The following DNAH12 variants were observed in gnomAD, a reference collection of about 807,000 sequenced individuals.
The protein encoded by DNAH12 is dynein axonemal heavy chain 12, also known as axonemal beta dynein heavy chain 12.
A neutral mutation model predicts 371.5 loss-of-function variants in DNAH12; 285 were observed. That is an observed-to-expected ratio of 0.77 (90% confidence interval 0.70 to 0.85). The LOEUF (loss-of-function observed/expected upper bound fraction) is 0.85. Ranked by LOEUF, DNAH12 falls within the 40% of genes least tolerant of loss-of-function variation. The pLI, the probability that DNAH12 is intolerant of heterozygous loss-of-function variation, is 0.00. For synonymous variants in DNAH12, 1,200 were observed against 1,213.0 expected (o/e 0.99, Z 0.22); for missense variants, 3,611 against 3,689.4 (o/e 0.98, Z 0.55).
chr3:57,402,515 C>T (rs1007294392), intron 43 of DNAH12: 9 of 1,066,986 alleles, frequency 8.4e-6, no homozygotes, highest in Non-Finnish European at 1.2e-5. Flanking sequence ...TGCTAGAAAC[C>T]ATTTATTTAT....
intron 11 of DNAH12, among the ~76,000 whole-genome samples, chr3:57,490,428 T>C (rs1439771410): frequency 1.3e-5 from 2 of 152,236 alleles, no homozygotes; most frequent in Non-Finnish European, 2.9e-5. Context: ...GCCCAAACAC[T>C]GGGGTAATTT....
chr3:57,461,187 T>C (rs528187272), intron 19 of DNAH12, among the ~76,000 whole-genome samples: 100 of 152,288 alleles, frequency 6.6e-4, no homozygotes, highest in African/African-American at 2.3e-3. Flanking sequence ...GTCTAGGTTT[T>C]CTAAAGTTAG....
chr3:57,405,230 GTTATAAAGTAA>G, intron 41 of DNAH12, 83 bp from the exon 42 acceptor site: 1 of 1,232,810 alleles, frequency 8.1e-7, no homozygotes, highest in Non-Finnish European at 1.1e-6. Flanking sequence ...TTTCATCCAT[GTTATAAAGTAA>G]TTAAGTTTTT....
intron 38 of DNAH12, among the ~76,000 whole-genome samples, chr3:57,414,974 T>G (rs749432828): frequency 2.0e-5 from 3 of 152,140 alleles, no homozygotes; most frequent in Non-Finnish European, 4.4e-5. Flanking sequence ...AAGGGTAGGA[T>G]GCACTCACAT....
chr3:57,311,107 G>A (rs866093434), intron 66 of DNAH12, among the ~76,000 whole-genome samples, 157 bp from the exon 67 acceptor site: 3 of 151,972 alleles, frequency 2.0e-5, no homozygotes, highest in South Asian at 2.1e-4. Flanking sequence ...GGACAGTCTC[G>A]CTCTGTCGCC....
intron 1 of DNAH12, among the ~76,000 whole-genome samples, chr3:57,543,775 G>T (rs779651395): frequency 6.6e-6 from 1 of 151,490 alleles, no homozygotes; most frequent in Non-Finnish European, 1.5e-5. Context: ...GGCCAGGCGC[G>T]GTGGCTCACG....
chr3:57,305,937 C>A (rs1242836400), intron 69 of DNAH12, among the ~76,000 whole-genome samples: 2 of 152,204 alleles, frequency 1.3e-5, no homozygotes, highest in African/African-American at 4.8e-5. Context: ...AGAACCTCCT[C>A]CCCCAGGAGC....
At chr3:57,538,049 A>C (rs938315650) in intron 2 of DNAH12, among the ~76,000 whole-genome samples, 5 of 152,220 alleles carry the variant, frequency 3.3e-5, no homozygotes, top group African/African-American at 1.2e-4. Flanking sequence ...AATAAACCAA[A>C]TATACTTAAA....
intron 60 of DNAH12, among the ~76,000 whole-genome samples, chr3:57,338,212 G>C (rs545616704): frequency 6.3e-4 from 96 of 152,294 alleles, no homozygotes; most frequent in African/African-American, 2.2e-3. Context: ...GGGTTTTGCT[G>C]TGTTGGCCGG....
chr3:57,307,396 A>G (rs111393264), intron 69 of DNAH12, among the ~76,000 whole-genome samples: 4,566 of 152,052 alleles, frequency 0.03, 101 homozygotes, highest in Non-Finnish European at 0.05. Context: ...AACCCTTTTC[A>G]TTACCCACAG....
chr3:57,510,671 C>A, intron 5 of DNAH12, 119 bp downstream of exon 5: 2 of 874,328 alleles, frequency 2.3e-6, no homozygotes, highest in South Asian at 1.7e-5. Context: ...AGAAAAAAAC[C>A]AGATATAGTT....
At chr3:57,502,263 C>A in intron 10 of DNAH12, 60 bp downstream of exon 10, 2 of 1,593,848 alleles carry the variant, frequency 1.3e-6, no homozygotes, top group Non-Finnish European at 1.7e-6. Flanking sequence ...AACATCTGAC[C>A]AAATTCTAGC....
intron 4 of DNAH12, chr3:57,519,645 C>T (rs2068334891): frequency 1.5e-6 from 2 of 1,341,310 alleles, no homozygotes; most frequent in South Asian, 1.2e-5. Context: ...TGAACAACTG[C>T]ACTAAGAAGC....
intron 55 of DNAH12, among the ~76,000 whole-genome samples, chr3:57,374,477 A>G (rs1192638106): frequency 1.3e-5 from 2 of 152,208 alleles, no homozygotes; most frequent in African/African-American, 2.4e-5. Flanking sequence ...AAATAAAAGG[A>G]TAACAATAAA....
intron 36 of DNAH12, among the ~76,000 whole-genome samples, chr3:57,420,546 C>G (rs2064538055): frequency 6.6e-6 from 1 of 152,150 alleles, no homozygotes; most frequent in Admixed American, 6.5e-5. Context: ...CCTACTGTCA[C>G]TTTCCCTTTC....
intron 60 of DNAH12, 68 bp downstream of exon 60, chr3:57,352,017 A>AT: frequency 3.6e-6 from 5 of 1,401,474 alleles, no homozygotes; most frequent in Non-Finnish European, 4.7e-6. Flanking sequence ...GAGAAGACAT[A>AT]TTCACAGATT....
intron 34 of DNAH12, 124 bp from the exon 35 acceptor site, chr3:57,425,265 T>G (rs1205831299): frequency 1.4e-5 from 8 of 585,214 alleles, no homozygotes; most frequent in Middle Eastern, 4.5e-4. Context: ...TTTTTGTTTT[T>G]GAGATGGGAT....
intron 45 of DNAH12, among the ~76,000 whole-genome samples, chr3:57,388,201 A>G (rs1342192167): frequency 4.6e-5 from 7 of 152,058 alleles, no homozygotes; most frequent in Non-Finnish European, 8.8e-5. Flanking sequence ...TCAGACCTCC[A>G]TGTGGTTCAT....
rs1346980097 is a variant in DNAH12 at position 57,415,527 on chromosome 3, A to G, written c.5752T>C (p.Ser1918Pro). Reference sequence around the variant, plus strand: ...ATTAGCTTATCCTTCACATACACAGATTTTCCTGTACCCGTTGGACCCACA... The same window carrying G: ...ATTAGCTTATCCTTCACATACACAGGTTTTCCTGTACCCGTTGGACCCACA... ...LFVGPTGTGK[S>P]VYVKDKLMNH... Residue 1918 changes from serine to proline, a missense_variant, in exon 38 of 74, where the codon TCT (serine) becomes CCT (proline). By Grantham distance (74) the Ser-to-Pro change is moderately conservative. Transcript: ENST00000495027. 6.5e-7 allele frequency: 1 copy of G among 1,550,194 alleles called. No homozygotes were observed. Among genetic ancestry groups the G allele is most frequent in the Non-Finnish European group, 8.7e-7 (1 of 1,146,702 alleles).
Sources: gnomAD v4.1 joint callset for allele counts (sites outside exome capture counted in the v4.1 genomes callset) on GRCh38, gnomAD v4.1.1 for gene constraint, MANE v1.5 for transcripts, NCBI Gene and HGNC (gene_info 2026-07-23, HGNC 2026-07-21) for gene names.